The following ATXN1 variants were observed in gnomAD, a reference collection of about 807,000 sequenced individuals.
ATXN1 encodes ataxin-1.
ATXN1 carries 8 observed loss-of-function variants against 56.4 expected under a neutral mutation model. The ratio of observed to expected loss-of-function variants is 0.14; its 90% confidence interval spans 0.08 to 0.26. ATXN1 has a LOEUF of 0.26. Ranked by LOEUF, ATXN1 falls within the 10% of genes least tolerant of loss-of-function variation. The pLI, the probability that ATXN1 is intolerant of heterozygous loss-of-function variation, is 1.00. For missense variants in ATXN1, 987 were observed against 1,106.5 expected, an observed-to-expected ratio of 0.89 and a Z score of 1.53; for synonymous variants, 514 against 494.6, an observed-to-expected ratio of 1.04 and a Z score of -0.52.
At chr6:16,513,210 C>A (rs1761115050) in intron 5 of ATXN1, among the ~76,000 whole-genome samples, 1 of 152,174 alleles carries the variant, frequency 6.6e-6, no homozygotes, top group Non-Finnish European at 1.5e-5. Context: ...CAGCAAATGT[C>A]CTTTCAAACA....
chr6:16,376,186 T>A (rs919285034), intron 6 of ATXN1, among the ~76,000 whole-genome samples: 1 of 152,226 alleles, frequency 6.6e-6, no homozygotes, highest in Non-Finnish European at 1.5e-5. Context: ...CCTGGCAAGA[T>A]ACGATCAATT....
chr6:16,487,034 T>G (rs1178018141), intron 5 of ATXN1, among the ~76,000 whole-genome samples: 2 of 152,200 alleles, frequency 1.3e-5, no homozygotes, highest in African/African-American at 4.8e-5. Flanking sequence ...CACACCTGGA[T>G]TTCTTGATTT....
chr6:16,480,626 T>A (rs1760419624), intron 6 of ATXN1, among the ~76,000 whole-genome samples: 1 of 152,108 alleles, frequency 6.6e-6, no homozygotes, highest in South Asian at 2.1e-4. Context: ...TTAATAAATA[T>A]CATGTAATTG....
In ATXN1 at chr6:16,478,502, G is replaced by A. The variant is rs573080980; in HGVS notation, c.-161+7470C>T. Among the ~76,000 whole-genome samples, 9 of 152,274 alleles carry A rather than the reference G, an allele frequency of 5.9e-5. No individual in the cohort carries two copies. The East Asian group carries it at 1.2e-3, about 20-fold the overall frequency. ...AGCTTTCTCCTTTCTGAACAATAGCGTTCTACTCTTCTACCTTCTTTTAGA... is the reference window on the plus strand; with the variant it reads ...AGCTTTCTCCTTTCTGAACAATAGCATTCTACTCTTCTACCTTCTTTTAGA... On this transcript the variant is annotated intron_variant, in intron 6 of 7. Coordinates refer to ENST00000436367, the MANE Select transcript of ATXN1 (RefSeq NM_001128164.2).
At chr6:16,309,460 G>C (rs1055452349) in intron 7 of ATXN1, among the ~76,000 whole-genome samples, 1 of 151,894 alleles carries the variant, frequency 6.6e-6, no homozygotes, top group African/African-American at 2.4e-5. Flanking sequence ...TGGAGGAGAG[G>C]GTAAGAGACA....
chr6:16,300,236 T>C lies in ATXN1; in HGVS notation c.*6093A>G, dbSNP rs891407727. 5.9e-5 allele frequency: 9 copies of C among 152,642 alleles called. No homozygotes were observed. Among genetic ancestry groups the C allele is most frequent in the African/African-American group, 2.2e-4 (9 of 41,442 alleles). The allele number at this position is 152,642 out of a possible 1,614,324, so 9.5% of individuals were successfully genotyped here. ...GAGTCCTTTCAGATAAGAAAAGTTA[T>C]GGAAATTCTTAGAGATTGTTGTTAT... is the stretch of plus-strand genomic sequence containing the variant. On this transcript the variant is annotated 3_prime_UTR_variant, in exon 8 of 8. Coordinates refer to ENST00000436367, the MANE Select transcript of ATXN1 (RefSeq NM_001128164.2).
intron 6 of ATXN1, among the ~76,000 whole-genome samples, chr6:16,462,638 G>A (rs965211452): frequency 1.3e-5 from 2 of 151,998 alleles, no homozygotes; most frequent in African/African-American, 4.8e-5. Context: ...CAGCTTTTAC[G>A]CTCTTACATT....
chr6:16,759,890 GC>G (rs1352712444), intron 1 of ATXN1, among the ~76,000 whole-genome samples: 2 of 152,132 alleles, frequency 1.3e-5, no homozygotes, highest in African/African-American at 4.8e-5. Context: ...AAGGCGGGGG[GC>G]TGAAGAGGGG....
At chr6:16,426,810 C>T (rs1393101239) in intron 6 of ATXN1, among the ~76,000 whole-genome samples, 1 of 151,598 alleles carries the variant, frequency 6.6e-6, no homozygotes, top group Non-Finnish European at 1.5e-5. Context: ...CTGCTTTAAC[C>T]TTTTCCCCCA....
At chr6:16,731,434 A>G (rs1246236534) in intron 2 of ATXN1, among the ~76,000 whole-genome samples, 5 of 129,562 alleles carry the variant, frequency 3.9e-5, no homozygotes, top group Non-Finnish European at 8.3e-5. Context: ...AGATAACGAG[A>G]GAGGCTTTTT....
At chr6:16,452,389 G>C (rs1224233080) in intron 6 of ATXN1, among the ~76,000 whole-genome samples, 1 of 152,208 alleles carries the variant, frequency 6.6e-6, no homozygotes, top group Non-Finnish European at 1.5e-5. Context: ...TCCAGATTTT[G>C]TTGATAGCAT....
chr6:16,495,853 A>ACTCT (rs36019158), intron 5 of ATXN1, among the ~76,000 whole-genome samples: 3 of 146,376 alleles, frequency 2.0e-5, no homozygotes, highest in Non-Finnish European at 4.5e-5. Flanking sequence ...ACAGAGTGAG[A>ACTCT]CTCTCTCTCT....
intron 4 of ATXN1, among the ~76,000 whole-genome samples, chr6:16,558,659 T>C (rs1043772920): frequency 1.3e-5 from 2 of 152,144 alleles, no homozygotes; most frequent in Admixed American, 6.5e-5. Context: ...GCATGAACCA[T>C]TGTGCCTGGC....
intron 3 of ATXN1, among the ~76,000 whole-genome samples, chr6:16,589,255 C>T (rs1762680881): frequency 1.3e-5 from 2 of 152,200 alleles, no homozygotes; most frequent in Admixed American, 6.5e-5. Flanking sequence ...TGTTCCTTAA[C>T]CAAGTCCATC....
At chr6:16,707,618 G>A (rs1759434224) in intron 2 of ATXN1, among the ~76,000 whole-genome samples, 1 of 152,224 alleles carries the variant, frequency 6.6e-6, no homozygotes, top group Non-Finnish European at 1.5e-5. Context: ...AGAGGTTGAT[G>A]CAGCTGAGAG....
At chr6:16,761,099 G>C (rs946022569) in intron 1 of ATXN1, 199 bp downstream of exon 1, 344 of 364,078 alleles carry the variant, frequency 9.4e-4, no homozygotes, top group Non-Finnish European at 1.3e-3. Flanking sequence ...CACACACACA[G>C]AACACGACGC....
intron 6 of ATXN1, among the ~76,000 whole-genome samples, chr6:16,333,692 A>C (rs1439925878): frequency 2.6e-5 from 4 of 152,164 alleles, no homozygotes; most frequent in Non-Finnish European, 5.9e-5. Flanking sequence ...TTGTGCCAGG[A>C]CTGGAAAAAC....
At chr6:16,737,573 C>T (rs779833684) in intron 2 of ATXN1, 16 of 152,290 alleles carry the variant, frequency 1.1e-4, no homozygotes, top group South Asian at 6.2e-4. Flanking sequence ...ATCTCATTAG[C>T]AGGAGAAGTT....
At chr6:16,408,450 A>C (rs77130504) in intron 6 of ATXN1, among the ~76,000 whole-genome samples, 10,536 of 152,112 alleles carry the variant, frequency 0.069, 488 homozygotes, top group Middle Eastern at 0.13. Context: ...TATTGTCTTA[A>C]ATACTTTCCT....
Sources: gnomAD v4.1 joint callset for allele counts (sites outside exome capture counted in the v4.1 genomes callset) on GRCh38, gnomAD v4.1.1 for gene constraint, MANE v1.5 for transcripts, NCBI Gene and HGNC (gene_info 2026-07-23, HGNC 2026-07-21) for gene names.